The following AKAP7 variants were observed in gnomAD, a reference collection of about 807,000 sequenced individuals.
AKAP7 encodes A kinase (PRKA) anchor protein 7.
AKAP7 carries 39 observed loss-of-function variants against 39.5 expected under a neutral mutation model. The observed-to-expected ratio is 0.99, with a 90% CI of 0.76 to 1.29. The LOEUF is 1.29. AKAP7 is among the 50% of genes most tolerant of loss of function. AKAP7 has a pLI of 0.00. For synonymous variants in AKAP7, 140 were observed against 139.1 expected (o/e 1.01, Z -0.05); for missense variants, 414 against 407.7 (o/e 1.02, Z -0.13).
At chr6:131,131,820 G>T (rs1010636666), upstream of AKAP7, among the ~76,000 whole-genome samples, 2 of 152,090 alleles carry the variant, frequency 1.3e-5, no homozygotes, top group African/African-American at 4.8e-5. Flanking sequence ...GACCATAGCT[G>T]CGGTCCCCTG....
intron 5 of AKAP7, among the ~76,000 whole-genome samples, chr6:131,196,330 A>G (rs1806929311): frequency 6.6e-6 from 1 of 150,924 alleles, no homozygotes; most frequent in South Asian, 2.1e-4. Flanking sequence ...CAATGGTGCA[A>G]TCTCAGCTCA....
rs201601624 is a variant in AKAP7 at position 131,261,317 on chromosome 6, CACTT to C, written c.851-20210_851-20207del. On this transcript the variant is annotated intron_variant, in intron 7 of 7. Coordinates refer to ENST00000431975, the MANE Select transcript of AKAP7 (RefSeq NM_016377.4). ...TTTGGGCTCAAATACATTGTTGTAA[CACTT>C]ACATACCACATAAAATACCAATTAT... 9.0e-3 allele frequency among the ~76,000 whole-genome samples: 1,368 copies of C among 151,482 alleles called. 25 individuals are homozygous for C. The highest frequency in any genetic ancestry group is 0.031 in the African/African-American group (1,259 of 41,232).
intron 3 of AKAP7, chr6:131,164,276 T>A: frequency 4.6e-6 from 2 of 434,876 alleles, no homozygotes; most frequent in Non-Finnish European, 9.3e-6. Flanking sequence ...GTTGTTTTTT[T>A]TCTGGGTTTG....
intron 7 of AKAP7, among the ~76,000 whole-genome samples, chr6:131,255,919 A>C (rs1175396481): frequency 6.6e-6 from 1 of 152,110 alleles, no homozygotes; most frequent in East Asian, 1.9e-4. Context: ...TAATTTATTT[A>C]ATGTTTACTG....
intron 4 of AKAP7, among the ~76,000 whole-genome samples, chr6:131,165,597 A>G (rs893211800): frequency 6.6e-6 from 1 of 152,214 alleles, no homozygotes; most frequent in African/African-American, 2.4e-5. Flanking sequence ...AAATAATAGT[A>G]CCAATACATG....
At chr6:131,206,774 T>C (rs1045841573) in intron 6 of AKAP7, among the ~76,000 whole-genome samples, 1 of 146,836 alleles carries the variant, frequency 6.8e-6, no homozygotes, top group Non-Finnish European at 1.5e-5. Context: ...TCTGTCTGTC[T>C]GTCCATCCAT....
upstream of AKAP7, among the ~76,000 whole-genome samples, chr6:131,134,412 T>C (rs1353627668): frequency 6.6e-6 from 1 of 152,254 alleles, no homozygotes; most frequent in Non-Finnish European, 1.5e-5. Flanking sequence ...ATAATCCTTA[T>C]GCTGAAGTGG....
chr6:131,214,563 A>T (rs568935265), intron 6 of AKAP7, among the ~76,000 whole-genome samples: 3 of 152,364 alleles, frequency 2.0e-5, no homozygotes, highest in African/African-American at 7.2e-5. Flanking sequence ...TATTAACAGT[A>T]TAAGAAGCAT....
At chr6:131,252,904 A>G (rs1812549751) in intron 7 of AKAP7, 5 of 835,202 alleles carry the variant, frequency 6.0e-6, no homozygotes, top group East Asian at 2.5e-5. Context: ...AAAAATGTGA[A>G]TACTCACTTC....
intron 7 of AKAP7, among the ~76,000 whole-genome samples, chr6:131,221,360 C>A (rs1407829996): frequency 6.6e-6 from 1 of 152,158 alleles, no homozygotes; most frequent in Non-Finnish European, 1.5e-5. Context: ...GAGGCTGGTT[C>A]ATGAGGTTTA....
chr6:131,140,532 C>G (rs972524695), intron 1 of AKAP7, among the ~76,000 whole-genome samples: 4 of 152,178 alleles, frequency 2.6e-5, no homozygotes, highest in Admixed American at 2.6e-4. Context: ...TAAGTTTCCT[C>G]TCCCTCACTT....
At chr6:131,168,444 AAGAG>A (rs374239226) in intron 4 of AKAP7, among the ~76,000 whole-genome samples, 41 of 148,848 alleles carry the variant, frequency 2.8e-4, no homozygotes, top group East Asian at 5.9e-4. Flanking sequence ...AGGAGACAGA[AAGAG>A]AGAGAGAGAG....
intron 6 of AKAP7, among the ~76,000 whole-genome samples, chr6:131,205,276 A>G (rs191071388): frequency 6.6e-6 from 1 of 152,284 alleles, no homozygotes; most frequent in African/African-American, 2.4e-5. Context: ...ATTAGATTCA[A>G]AGTCAGAGCT....
At chr6:131,214,371 AAAGT>A (rs1478073271) in intron 6 of AKAP7, among the ~76,000 whole-genome samples, 2 of 152,188 alleles carry the variant, frequency 1.3e-5, no homozygotes, top group Non-Finnish European at 2.9e-5. Context: ...TGGAATGCTA[AAAGT>A]AAGTTTATAA....
chr6:131,163,533 G>A (rs1803189915), intron 3 of AKAP7, among the ~76,000 whole-genome samples: 1 of 152,106 alleles, frequency 6.6e-6, no homozygotes, highest in African/African-American at 2.4e-5. Context: ...TCTACTTTTG[G>A]CCTCTACGTG....
At chr6:131,143,624 G>A (rs906067116) in intron 1 of AKAP7, among the ~76,000 whole-genome samples, 4 of 152,154 alleles carry the variant, frequency 2.6e-5, no homozygotes, top group African/African-American at 9.7e-5. Flanking sequence ...TAATACAACA[G>A]GGGTGTGTGT....
At chr6:131,174,002 A>G (rs929973303) in intron 5 of AKAP7, among the ~76,000 whole-genome samples, 1 of 152,214 alleles carries the variant, frequency 6.6e-6, no homozygotes, top group Non-Finnish European at 1.5e-5. Flanking sequence ...AAGCCCGAAG[A>G]TGTTGGTTTG....
intron 6 of AKAP7, among the ~76,000 whole-genome samples, chr6:131,202,372 A>G (rs1192582941): frequency 8.6e-5 from 12 of 139,618 alleles, no homozygotes; most frequent in Admixed American, 3.7e-4. Flanking sequence ...AATGTCCAAC[A>G]ATGATAGACT....
intron 7 of AKAP7, among the ~76,000 whole-genome samples, chr6:131,220,938 C>G (rs1447496186): frequency 6.6e-6 from 1 of 152,068 alleles, no homozygotes; most frequent in East Asian, 1.9e-4. Flanking sequence ...ATTCATTCCC[C>G]TGTGAAGAGT....
Sources: gnomAD v4.1 joint callset for allele counts (sites outside exome capture counted in the v4.1 genomes callset) on GRCh38, gnomAD v4.1.1 for gene constraint, MANE v1.5 for transcripts, NCBI Gene and HGNC (gene_info 2026-07-23, HGNC 2026-07-21) for gene names.